Variants in TANK observed in about 807,000 individuals in gnomAD.
TANK encodes TRAF family member-associated NF-kappa-B activator.
In TANK, 15 loss-of-function variants were observed where a neutral mutation model predicts 43.6. The ratio of observed to expected loss-of-function variants is 0.34; its 90% CI spans 0.23 to 0.53. The LOEUF (loss-of-function observed/expected upper bound fraction) is 0.53. Among genes scored for constraint, TANK ranks in the 20% least tolerant of loss-of-function variants. TANK has a pLI of 0.94. For synonymous variants in TANK, 162 were observed against 178.2 expected (o/e 0.91, Z 0.73); for missense variants, 417 against 498.6 (o/e 0.84, Z 1.56).
chr2:161,182,040 GAGGAGAAC>G (rs1055920725), intron 2 of TANK, among the ~76,000 whole-genome samples: 21 of 151,730 alleles, frequency 1.4e-4, no homozygotes, highest in African/African-American at 4.4e-4. Context: ...CAACATAGAA[GAGGAGAAC>G]AGGAGAACGT....
intron 1 of TANK, among the ~76,000 whole-genome samples, chr2:161,179,240 A>C (rs988094089): frequency 2.6e-5 from 4 of 152,170 alleles, no homozygotes; most frequent in Non-Finnish European, 5.9e-5. Flanking sequence ...AAGTGGGAGT[A>C]AGAGTCCATT....
At chr2:161,201,429 GA>G in intron 2 of TANK, 8 of 289,004 alleles carry the variant, frequency 2.8e-5, no homozygotes, top group Non-Finnish European at 3.6e-5. Context: ...ATTAAGGTGG[GA>G]AAAAAAGACA....
intron 2 of TANK, among the ~76,000 whole-genome samples, chr2:161,182,590 G>A (rs1685478307): frequency 1.3e-5 from 2 of 152,046 alleles, no homozygotes; most frequent in Admixed American, 1.3e-4. Flanking sequence ...GGGAGTTGGG[G>A]TGCACTACCC....
chr2:161,204,876 G>A (rs916898970), intron 4 of TANK, 83 bp downstream of exon 4: 1 of 1,550,568 alleles, frequency 6.4e-7, no homozygotes, highest in East Asian at 2.5e-5. Flanking sequence ...GAAGTGATCT[G>A]CTGGAATTCC....
chr2:161,153,630 A>G (rs1427713915), intron 1 of TANK, among the ~76,000 whole-genome samples: 4 of 147,100 alleles, frequency 2.7e-5, no homozygotes, highest in Admixed American at 2.1e-4. Flanking sequence ...CAAGGCTGCA[A>G]TGAGCCAAGA....
intron 1 of TANK, among the ~76,000 whole-genome samples, chr2:161,173,717 T>C (rs368458896): frequency 6.6e-6 from 1 of 152,072 alleles, no homozygotes; most frequent in East Asian, 1.9e-4. Context: ...TAAGCTCTAA[T>C]TGGAGAAAAA....
At chr2:161,148,516 T>A (rs1683980164) in intron 1 of TANK, among the ~76,000 whole-genome samples, 1 of 152,230 alleles carries the variant, frequency 6.6e-6, no homozygotes, top group Admixed American at 6.5e-5. Flanking sequence ...GTTTAAAGTT[T>A]TAAAAAATTA....
chr2:161,202,552 A>G (rs921345459), intron 2 of TANK, among the ~76,000 whole-genome samples: 4 of 152,122 alleles, frequency 2.6e-5, no homozygotes, highest in Non-Finnish European at 2.9e-5. Flanking sequence ...ATAGAGCTTC[A>G]CTAATTTTGA....
chr2:161,166,466 A>G (rs1684684156), intron 1 of TANK, among the ~76,000 whole-genome samples: 1 of 152,238 alleles, frequency 6.6e-6, no homozygotes, highest in Non-Finnish European at 1.5e-5. Flanking sequence ...TAAGGAAAAC[A>G]CACTTAATAT....
intron 2 of TANK, among the ~76,000 whole-genome samples, chr2:161,190,006 T>C (rs1443870864): frequency 6.6e-6 from 1 of 152,194 alleles, no homozygotes; most frequent in African/African-American, 2.4e-5. Flanking sequence ...ATTAAAACTT[T>C]TGTGCGTCAA....
chr2:161,159,936 G>A (rs1684330390), upstream of TANK, among the ~76,000 whole-genome samples: 1 of 152,130 alleles, frequency 6.6e-6, no homozygotes, highest in South Asian at 2.1e-4. Flanking sequence ...CTCAGAGTGT[G>A]GACTTTAACC....
chr2:161,169,329 C>G (rs771828355), intron 1 of TANK, among the ~76,000 whole-genome samples: 46 of 152,190 alleles, frequency 3.0e-4, no homozygotes, highest in Middle Eastern at 3.4e-3. Flanking sequence ...CAAGAATTTT[C>G]AGGGAAAAAA....
At position 161,211,866 on chromosome 2, in the gene TANK, G is replaced by A. The variant is rs917387004; in HGVS notation, c.327+7073G>A. 8 of 984,970 alleles carry A rather than the reference G, an allele frequency of 8.1e-6. No homozygotes were observed. The East Asian group carries it at 3.4e-4, about 42-fold the overall frequency. The allele number at this position is 984,970 out of a possible 1,614,324, so 61.0% of individuals were successfully genotyped here. A position where few individuals can be genotyped will look rare whatever the true frequency, so the allele number is the denominator to read the frequency against. The stretch of plus-strand genomic sequence containing the variant: ...CCTTGCAGTCCAAAGCAAATGTACC[G>A]CTTCTCCTGGTTTTCTTTCTAGAAA... On this transcript the variant is annotated intron_variant, in intron 4 of 7. Coordinates refer to ENST00000392749, the MANE Select transcript of TANK (RefSeq NM_001199135.3).
chr2:161,152,548 T>A (rs1684108689), intron 1 of TANK, among the ~76,000 whole-genome samples: 1 of 152,152 alleles, frequency 6.6e-6, no homozygotes, highest in Non-Finnish European at 1.5e-5. Context: ...GTCACTTCTT[T>A]CTTGCTGCTT....
chr2:161,232,878 C>A, intron 7 of TANK: 1 of 1,543,934 alleles, frequency 6.5e-7, no homozygotes, highest in South Asian at 1.2e-5. Flanking sequence ...GTTGAGTTGT[C>A]ACAAGACATG....
At chr2:161,204,913 T>C (rs761881598) in intron 4 of TANK, 120 bp downstream of exon 4, 1 of 1,488,952 alleles carries the variant, frequency 6.7e-7, no homozygotes, top group Admixed American at 2.9e-5. Context: ...TATACAAATA[T>C]GTGGCTTAAA....
chr2:161,145,010 G>C (rs564819355), intron 1 of TANK, among the ~76,000 whole-genome samples: 39 of 152,036 alleles, frequency 2.6e-4, no homozygotes, highest in Middle Eastern at 3.4e-3. Flanking sequence ...ATTTAGGATG[G>C]TTAGCTCTTC....
At chr2:161,140,584 C>T (rs1329765417) in intron 1 of TANK, among the ~76,000 whole-genome samples, 2 of 151,736 alleles carry the variant, frequency 1.3e-5, no homozygotes, top group Non-Finnish European at 2.9e-5. Context: ...AATATTTTCT[C>T]AATGCCTTTT....
chr2:161,155,669 AT>A (rs544555384), upstream of TANK, among the ~76,000 whole-genome samples: 283 of 152,162 alleles, frequency 1.9e-3, no homozygotes, highest in Non-Finnish European at 3.5e-3. Flanking sequence ...TTTGCAATTA[AT>A]TTTTTTTCCA....
Sources: allele counts gnomAD v4.1 joint callset (sites outside exome capture counted in the v4.1 genomes callset), GRCh38; gene constraint gnomAD v4.1.1; transcripts MANE v1.5; gene names NCBI Gene and HGNC (gene_info 2026-07-23, HGNC 2026-07-21).